Variants in GRIA4 observed in about 807,000 individuals in gnomAD.
GRIA4 encodes the protein glutamate ionotropic receptor AMPA type subunit 4.
In GRIA4, 34 loss-of-function variants were observed where a neutral mutation model predicts 104.0. The observed-to-expected ratio is 0.33, with a 90% CI of 0.25 to 0.44. The LOEUF is 0.44. GRIA4 is among the 20% of genes least tolerant of loss of function. The pLI, the probability that GRIA4 is intolerant of heterozygous loss-of-function variation, is 1.00. For synonymous variants in GRIA4, 386 were observed against 381.9 expected (o/e 1.01, Z -0.13); for missense variants, 750 against 1,096.5 (o/e 0.68, Z 4.46).
At chr11:105,648,844 A>G (rs1468992822) in intron 3 of GRIA4, among the ~76,000 whole-genome samples, 11 of 152,226 alleles carry the variant, frequency 7.2e-5, no homozygotes, top group Non-Finnish European at 1.2e-4. Context: ...GACCGAAACC[A>G]GTCATTAAAT....
intron 3 of GRIA4, among the ~76,000 whole-genome samples, chr11:105,624,364 A>G (rs1338551878): frequency 6.6e-6 from 1 of 152,148 alleles, no homozygotes; most frequent in Non-Finnish European, 1.5e-5. Context: ...CCTTTTGGGA[A>G]GCCCAGGTGA....
intron 6 of GRIA4, among the ~76,000 whole-genome samples, chr11:105,892,115 A>G (rs1008469033): frequency 6.6e-6 from 1 of 152,176 alleles, no homozygotes; most frequent in Non-Finnish European, 1.5e-5. Context: ...ACACAAAAAA[A>G]TAAATAACTT....
At chr11:105,690,703 A>G (rs921703525) in intron 3 of GRIA4, among the ~76,000 whole-genome samples, 4 of 152,260 alleles carry the variant, frequency 2.6e-5, no homozygotes, top group African/African-American at 9.6e-5. Flanking sequence ...GCATGCTCTC[A>G]GAACTTTTTA....
intron 4 of GRIA4, among the ~76,000 whole-genome samples, chr11:105,817,471 G>A (rs1943423235): frequency 6.6e-6 from 1 of 151,466 alleles, no homozygotes; most frequent in African/African-American, 2.4e-5. Flanking sequence ...TGTGGCCAGA[G>A]TAAAGTAATA....
rs141464271 is a variant in GRIA4 at position 105,735,822 on chromosome 11, C to T, written c.248-17159C>T. Among the ~76,000 whole-genome samples the T allele has an allele frequency of 4.1e-3, 623 of 152,256 alleles. 17 individuals are homozygous for T. Among genetic ancestry groups the T allele is most frequent in the Admixed American group, 0.036 (549 of 15,270 alleles). On this transcript the variant is annotated intron_variant, in intron 3 of 16. Coordinates refer to ENST00000282499, the MANE Select transcript of GRIA4 (RefSeq NM_000829.4). ...TTCTCCTTGGCACTAGAAGGATACACACTTACATACTTAGACATACATTTT... is the reference window on the plus strand; with the variant it reads ...TTCTCCTTGGCACTAGAAGGATACATACTTACATACTTAGACATACATTTT...
At chr11:105,617,466 T>C (rs1950630168) in intron 3 of GRIA4, among the ~76,000 whole-genome samples, 2 of 151,896 alleles carry the variant, frequency 1.3e-5, no homozygotes. Context: ...CCTAGTGCTT[T>C]TACCGGAAGG....
At chr11:105,737,136 T>G (rs1346558715) in intron 3 of GRIA4, among the ~76,000 whole-genome samples, 1 of 152,118 alleles carries the variant, frequency 6.6e-6, no homozygotes, top group South Asian at 2.1e-4. Context: ...GGAAATGGTC[T>G]GAGAACTCAA....
At chr11:105,948,370 T>G (rs1017487893) in intron 14 of GRIA4, among the ~76,000 whole-genome samples, 2 of 152,074 alleles carry the variant, frequency 1.3e-5, no homozygotes, top group Non-Finnish European at 2.9e-5. Context: ...AATGGAAAAT[T>G]TATAGTCTTT....
chr11:105,669,902 C>T (rs1952305597), intron 3 of GRIA4, among the ~76,000 whole-genome samples: 1 of 152,050 alleles, frequency 6.6e-6, no homozygotes, highest in South Asian at 2.1e-4. Flanking sequence ...ATGGATACAT[C>T]TGTAAAATAG....
chr11:105,623,333 T>A (rs1018846116), intron 3 of GRIA4, among the ~76,000 whole-genome samples: 1 of 151,976 alleles, frequency 6.6e-6, no homozygotes. Flanking sequence ...AATTTCATAA[T>A]TAATTTCCTG....
At chr11:105,978,844 T>A (rs552835328) in intron 16 of GRIA4, among the ~76,000 whole-genome samples, 1 of 152,212 alleles carries the variant, frequency 6.6e-6, no homozygotes. Context: ...TGCTATGTAA[T>A]GTGATAAGGA....
At chr11:105,774,777 A>G (rs1302599616) in intron 4 of GRIA4, among the ~76,000 whole-genome samples, 1 of 152,200 alleles carries the variant, frequency 6.6e-6, no homozygotes, top group Non-Finnish European at 1.5e-5. Context: ...TTTGTATTAC[A>G]CAATAAACAG....
intron 14 of GRIA4, among the ~76,000 whole-genome samples, chr11:105,941,894 T>C (rs1313461126): frequency 1.3e-5 from 2 of 152,066 alleles, no homozygotes; most frequent in Non-Finnish European, 2.9e-5. Flanking sequence ...AATATTTCAT[T>C]TTGTAATAAT....
At chr11:105,663,490 C>G (rs1952074362) in intron 3 of GRIA4, among the ~76,000 whole-genome samples, 1 of 151,866 alleles carries the variant, frequency 6.6e-6, no homozygotes, top group Admixed American at 6.6e-5. Context: ...TTTAAAGTGA[C>G]AAGTGCTGCA....
At chr11:105,912,001 T>C in intron 10 of GRIA4, 3 of 1,312,130 alleles carry the variant, frequency 2.3e-6, no homozygotes, top group East Asian at 3.2e-5. Context: ...TTATTTTTCA[T>C]GTGGGATTCT....
In GRIA4 at chr11:105,865,349, A is replaced by G. The variant is rs139689191; in HGVS notation, c.672+3141A>G. Among the ~76,000 whole-genome samples, 41 of 152,330 alleles carry G rather than the reference A, an allele frequency of 2.7e-4. 1 individual carries two copies. The East Asian group carries it at 7.7e-3, about 29-fold the overall frequency. On this transcript the variant is annotated intron_variant, in intron 5 of 16. Coordinates refer to ENST00000282499, the MANE Select transcript of GRIA4 (RefSeq NM_000829.4). ...GAATTTTGGCTCTCTAAATCCAATG[A>G]GCAATTTGGTCCACTCATTTGCAGA...
intron 4 of GRIA4, among the ~76,000 whole-genome samples, chr11:105,836,089 G>C (rs1273937249): frequency 4.6e-5 from 7 of 152,026 alleles, no homozygotes. Flanking sequence ...CTCCAGTAAA[G>C]AGTTAAGGCC....
intron 5 of GRIA4, among the ~76,000 whole-genome samples, chr11:105,874,175 T>A (rs1945729105): frequency 6.6e-6 from 1 of 152,210 alleles, no homozygotes. Flanking sequence ...GAATAGGAGA[T>A]CCTTTCCCCA....
chr11:105,704,669 TAA>T (rs1190374853), intron 3 of GRIA4, among the ~76,000 whole-genome samples: 1 of 152,170 alleles, frequency 6.6e-6, no homozygotes, highest in East Asian at 1.9e-4. Flanking sequence ...CTTTTACAAT[TAA>T]AACACAAAAA....
Sources: gnomAD v4.1 joint callset for allele counts (sites outside exome capture counted in the v4.1 genomes callset) on GRCh38, gnomAD v4.1.1 for gene constraint, MANE v1.5 for transcripts, NCBI Gene and HGNC (gene_info 2026-07-23, HGNC 2026-07-21) for gene names.